Variants in ATP1A3 observed in about 807,000 individuals in gnomAD.
The protein encoded by ATP1A3 is sodium/potassium-transporting ATPase subunit alpha-3.
In ATP1A3, 12 loss-of-function variants were observed where a neutral mutation model predicts 108.8. That is an observed-to-expected ratio of 0.11 (90% CI 0.07 to 0.18). The LOEUF (loss-of-function observed/expected upper bound fraction) is 0.18. Among genes scored for constraint, ATP1A3 ranks in the 10% least tolerant of loss-of-function variants. ATP1A3 has a pLI of 1.00. For missense variants in ATP1A3, 498 were observed against 1,387.7 expected, an observed-to-expected ratio of 0.36 and a Z score of 10.19; for synonymous variants, 539 against 564.5, an observed-to-expected ratio of 0.95 and a Z score of 0.64.
At chr19:41,993,841 C>G in intron 1 of ATP1A3, 2 of 786,758 alleles carry the variant, frequency 2.5e-6, no homozygotes, top group Admixed American at 5.6e-5. Flanking sequence ...GGCTGGCCCA[C>G]AACCTCGCGG....
At chr19:41,976,264 CCAGGAGTCCAGGCCCCCAGACCCTCCTCT>C in intron 15 of ATP1A3, 123 bp downstream of exon 15, 1 of 1,111,214 alleles carries the variant, frequency 9.0e-7, no homozygotes. Flanking sequence ...TCCCTCAGAC[CCAGGAGTCCAGGCCCCCAGACCCTCCTCT>C]CTCAGACCCA....
chr19:41,970,884 G>C (rs1233089399), intron 16 of ATP1A3, among the ~76,000 whole-genome samples: 1 of 151,530 alleles, frequency 6.6e-6, no homozygotes, highest in Non-Finnish European at 1.5e-5. Flanking sequence ...TGCCCTCCTC[G>C]GCCTCCTGAA....
chr19:41,974,623 A>C (rs1301251425), intron 16 of ATP1A3, among the ~76,000 whole-genome samples: 1 of 152,194 alleles, frequency 6.6e-6, no homozygotes, highest in African/African-American at 2.4e-5. Context: ...TTCAAATAGG[A>C]GAGAGAAATT....
intron 18 of ATP1A3, 24 bp downstream of exon 18, chr19:41,970,161 G>C (rs2075087500): frequency 1.9e-6 from 3 of 1,614,220 alleles, no homozygotes; most frequent in East Asian, 2.2e-5. Flanking sequence ...GGGTGGTAAG[G>C]AGATGGAGTC....
rs1260391472 is a variant in ATP1A3, at chr19:41,968,508, C to CTAAA, written c.2819+273_2819+276dup. 1.3e-5 allele frequency among the ~76,000 whole-genome samples: 2 copies of CTAAA among 152,098 alleles called. No homozygotes were observed. The highest frequency in any genetic ancestry group is 2.4e-5 in the African/African-American group (1 of 41,418). On this transcript the variant is annotated intron_variant, in intron 20 of 22. Transcript: ENST00000648268. This position sits in a 1 kb window ranked among gnomAD's most constrained non-coding sequence, Gnocchi z 5.0. ...TGGGCAACAGAGCAAGACTCTGTCT[C>CTAAA]TAAATAAATAAATAAAAATTAGCCA... is the stretch of plus-strand genomic sequence containing the variant.
At chr19:41,982,252 AC>A in intron 8 of ATP1A3, 146 bp from the exon 9 acceptor site, 3 of 1,350,670 alleles carry the variant, frequency 2.2e-6, no homozygotes, top group Non-Finnish European at 2.1e-6. Flanking sequence ...CAGCAATGCC[AC>A]CCCCAATTCA....
rs2075230408 is a variant in ATP1A3, at chr19:41,981,428, C to T, written c.1437+74G>A. The stretch of plus-strand genomic sequence containing the variant: ...CATTTTACAGACGGGAAAATCAAGG[C>T]TCTATGACACCTCTTTACAGGCGTC... On this transcript the variant is annotated intron_variant, in intron 11 of 22. Coordinates refer to ENST00000648268, the MANE Select transcript of ATP1A3 (RefSeq NM_152296.5). The surrounding 1 kb of genome is among the most constrained non-coding windows in gnomAD (Gnocchi z 5.0). 1.2e-6 allele frequency: 2 copies of T among 1,609,150 alleles called. No individual in the cohort carries two copies. Among genetic ancestry groups the T allele is most frequent in the African/African-American group, 1.3e-5 (1 of 74,938 alleles).
chr19:41,966,989 A>C (rs1162556735), intron 22 of ATP1A3, 24 bp from the exon 23 acceptor site: 2 of 1,551,484 alleles, frequency 1.3e-6, no homozygotes, highest in South Asian at 1.2e-5. Context: ...GAAGGAAAGA[A>C]AGAGACAGAG....
chr19:41,968,835 A>G lies in ATP1A3; in HGVS notation c.2769T>C (p.Asp923=), dbSNP rs1179603100. 4 of 1,613,986 alleles carry G rather than the reference A, an allele frequency of 2.5e-6. No individual in the cohort carries two copies. The highest frequency in any genetic ancestry group is 1.7e-5 in the Admixed American group (1 of 59,988). Residue 923 remains aspartate, a synonymous_variant, in exon 20 of 23, where the codon GAT becomes GAC. Coordinates refer to ENST00000648268, the MANE Select transcript of ATP1A3 (RefSeq NM_152296.5). This position sits in a 1 kb window ranked among gnomAD's most constrained non-coding sequence, Gnocchi z 5.0. ...TCCTCCGGGTCTTGCAGATGATCAG[A>G]TCGGCCCACTGGACGACAACGATGC... ...FVSIVVVQWA[D]LIICKTRRNS...
intron 14 of ATP1A3, 41 bp from the exon 15 acceptor site, chr19:41,976,607 G>A (rs1555861405): frequency 1.2e-6 from 2 of 1,612,160 alleles, no homozygotes; most frequent in East Asian, 2.2e-5. Flanking sequence ...GTCAGGGTGT[G>A]TGAGGAGTGG....
In ATP1A3 at chr19:41,967,758, T is replaced by C; in HGVS notation, c.2825A>G (p.Lys942Arg). 4.3e-6 allele frequency: 7 copies of C among 1,613,874 alleles called. 1 individual carries two copies. In the South Asian group the frequency reaches 7.7e-5, roughly 18 times the overall value. The change falls in exon 21 of 23, where the codon AAG (lysine) becomes AGG (arginine). Residue 942 changes from lysine to arginine, a missense_variant. Physicochemically the swap from Lys to Arg is conservative, Grantham distance 26 (BLOSUM62 2). This residue lies in a region of ATP1A3 where 121 missense variants were observed against 425.1 expected (regional missense o/e 0.28). Transcript: ENST00000648268. This position sits in a 1 kb window ranked among gnomAD's most constrained non-coding sequence, Gnocchi z 4.2. ...NSVFQQGMKN[K>R]ILIFGLFEET... ...CTCAAACAGCCCGAAGATCAGGATCTTGTTCCTGGAGGCACAGAAGGGCAG... is the reference window on the plus strand; with the variant it reads ...CTCAAACAGCCCGAAGATCAGGATCCTGTTCCTGGAGGCACAGAAGGGCAG...
At position 41,986,286 on chromosome 19, in the gene ATP1A3, C is replaced by T; in HGVS notation, c.358-57G>A. The T allele has an allele frequency of 1.9e-6, 3 of 1,555,944 alleles. No homozygotes were observed. In the Admixed American group the frequency reaches 5.1e-5, roughly 26 times the overall value. On this transcript the variant is annotated intron_variant, in intron 4 of 22. Transcript: ENST00000648268. ...GCCGCCCAAGCCACTCTCCACCAGT[C>T]CCTGCTCGCCTGGAGTCTGGGAAGG...
chr19:41,990,150 G>A (rs1703150842), intron 1 of ATP1A3, among the ~76,000 whole-genome samples: 1 of 151,810 alleles, frequency 6.6e-6, no homozygotes, highest in South Asian at 2.1e-4. Flanking sequence ...TCTCCTCTGG[G>A]ATGCTCACAT....
Position 41,968,755 on chromosome 19 carries a change from G to A in ATP1A3, c.2819+30C>T, listed in dbSNP as rs1555859136. ...AGACACTCGGACAGGACAGATGGCT[G>A]TCCAGTCACCATGTGCCCCCGGCCC... On this transcript the variant is annotated intron_variant, in intron 20 of 22. Transcript: ENST00000648268. This position sits in a 1 kb window ranked among gnomAD's most constrained non-coding sequence, Gnocchi z 5.0. 6.2e-7 allele frequency: 1 copy of A among 1,613,238 alleles called. No homozygotes were observed. The highest frequency in any genetic ancestry group is 1.1e-5 in the South Asian group (1 of 91,078).
At chr19:41,993,899 G>T in intron 1 of ATP1A3, 172 bp downstream of exon 1, 1 of 1,230,512 alleles carries the variant, frequency 8.1e-7, no homozygotes, top group East Asian at 2.8e-5. Context: ...ACCCCCCGCC[G>T]CCCCCTGCGG....
rs782163959 is a variant in ATP1A3 at position 41,967,079 on chromosome 19, C to G, written c.3014-114G>C. The G allele has an allele frequency of 6.4e-7, 1 of 1,551,742 alleles. No individual in the cohort carries two copies. The highest frequency in any genetic ancestry group is 2.0e-5 in the Admixed American group (1 of 50,982). ...GAGGGAGAGAGACAAGGAAACCACACAGACAGAGACCCGTGAGAAGACAGA... is the reference window on the plus strand; with the variant it reads ...GAGGGAGAGAGACAAGGAAACCACAGAGACAGAGACCCGTGAGAAGACAGA... On this transcript the variant is annotated intron_variant, in intron 22 of 22. Transcript: ENST00000648268. This position sits in a 1 kb window ranked among gnomAD's most constrained non-coding sequence, Gnocchi z 4.2.
intron 1 of ATP1A3, among the ~76,000 whole-genome samples, chr19:41,989,676 T>C (rs1599727421): frequency 6.6e-6 from 1 of 152,190 alleles, no homozygotes; most frequent in East Asian, 1.9e-4. Context: ...CCTCTGTCTG[T>C]CTCCCTTGAT....
chr19:41,975,805 G>C lies in ATP1A3; in HGVS notation c.2095-8C>G. The C allele has an allele frequency of 6.2e-7, 1 of 1,613,986 alleles. No individual in the cohort carries two copies. The highest frequency in any genetic ancestry group is 8.5e-7 in the Non-Finnish European group (1 of 1,179,956). ...CACAGCCACAATTGCACCCTGGAGG[G>C]AGAGAGGGTAAGGATGACACCCAGA... On this transcript the variant is annotated splice_polypyrimidine_tract_variant and splice_region_variant and intron_variant, in intron 15 of 22. Transcript: ENST00000648268.
Position 41,967,976 on chromosome 19 carries a change from G to T in ATP1A3, c.2820-213C>A, listed in dbSNP as rs2075062208. Among the ~76,000 whole-genome samples, 2 of 152,062 alleles carry T rather than the reference G, an allele frequency of 1.3e-5. No individual in the cohort carries two copies. Among genetic ancestry groups the T allele is most frequent in the Non-Finnish European group, 2.9e-5 (2 of 68,016 alleles). Reference sequence around the variant, plus strand: ...AGGCAGAGCGATGGTGACACAGAAAGAGACAAAAGACAGGGACAGACACAG... The same window carrying T: ...AGGCAGAGCGATGGTGACACAGAAATAGACAAAAGACAGGGACAGACACAG... On this transcript the variant is annotated intron_variant, in intron 20 of 22. Transcript: ENST00000648268. The surrounding 1 kb of genome is among the most constrained non-coding windows in gnomAD (Gnocchi z 4.2).
Sources: allele counts gnomAD v4.1 joint callset (sites outside exome capture counted in the v4.1 genomes callset), GRCh38; gene constraint gnomAD v4.1.1; regional missense constraint gnomAD v4.1.1; non-coding constraint Gnocchi (gnomAD v3.1); transcripts MANE v1.5; gene names NCBI Gene and HGNC (gene_info 2026-07-23, HGNC 2026-07-21).